ZNF573: variants seen among roughly 807,000 people sequenced by gnomAD.
ZNF573 encodes the protein zinc finger protein 573.
In ZNF573, 41 loss-of-function variants were observed where a neutral mutation model predicts 57.4. That is an observed-to-expected ratio of 0.71 (90% confidence interval 0.56 to 0.93). The LOEUF is 0.93. ZNF573 is among the 40% of genes least tolerant of loss of function. The pLI, the probability that ZNF573 is intolerant of heterozygous loss-of-function variation, is 0.00. For missense variants in ZNF573, 730 were observed against 794.8 expected, an observed-to-expected ratio of 0.92 and a Z score of 0.98; for synonymous variants, 249 against 261.0, an observed-to-expected ratio of 0.95 and a Z score of 0.44.
At chr19:37,766,134 T>G (rs914234940) in intron 4 of ZNF573, among the ~76,000 whole-genome samples, 1 of 152,146 alleles carries the variant, frequency 6.6e-6, no homozygotes, top group African/African-American at 2.4e-5. Context: ...ATGTAAAAAA[T>G]TGTTTATATT....
At chr19:37,752,389 A>G (rs2045446626) in intron 4 of ZNF573, among the ~76,000 whole-genome samples, 1 of 152,212 alleles carries the variant, frequency 6.6e-6, no homozygotes, top group African/African-American at 2.4e-5. Context: ...AACAAAAGAA[A>G]TAATAGGATG....
At chr19:37,778,809 C>T (rs1599713903) in intron 1 of ZNF573, among the ~76,000 whole-genome samples, 1 of 152,090 alleles carries the variant, frequency 6.6e-6, no homozygotes, top group African/African-American at 2.4e-5. Flanking sequence ...CCACGCCTTC[C>T]CTGTTCACAC....
chr19:37,752,019 C>A (rs560493082), intron 4 of ZNF573, among the ~76,000 whole-genome samples: 1 of 145,060 alleles, frequency 6.9e-6, no homozygotes, highest in Non-Finnish European at 1.5e-5. Context: ...TACATAGTAC[C>A]GTATATATAC....
intron 4 of ZNF573, among the ~76,000 whole-genome samples, chr19:37,754,206 T>C (rs1270577023): frequency 6.6e-6 from 1 of 152,144 alleles, no homozygotes; most frequent in African/African-American, 2.4e-5. Flanking sequence ...AAGACTGTCA[T>C]TTAAAGCTAG....
intron 4 of ZNF573, among the ~76,000 whole-genome samples, chr19:37,743,365 A>G (rs767906975): frequency 2.0e-5 from 3 of 151,590 alleles, no homozygotes; most frequent in Non-Finnish European, 2.9e-5. Context: ...TTATGAGGCC[A>G]ACAAACATAT....
chr19:37,755,944 G>T (rs370516028), intron 4 of ZNF573, among the ~76,000 whole-genome samples: 1 of 151,984 alleles, frequency 6.6e-6, no homozygotes, highest in Admixed American at 6.6e-5. Context: ...TATAAACCTT[G>T]TAAGAAAAGC....
intron 2 of ZNF573, 85 bp downstream of exon 2, chr19:37,773,576 C>T (rs1285541356): frequency 4.6e-6 from 5 of 1,085,696 alleles, no homozygotes; most frequent in Non-Finnish European, 6.6e-6. Flanking sequence ...AGGAGGCCTT[C>T]TTAAATAGGA....
At chr19:37,745,676 G>A (rs532524978) in intron 4 of ZNF573, among the ~76,000 whole-genome samples, 46 of 152,290 alleles carry the variant, frequency 3.0e-4, no homozygotes, top group Middle Eastern at 3.4e-3. Flanking sequence ...GATTACAGGC[G>A]TGAGCCACCA....
At chr19:37,741,481 C>T (rs747152485) in intron 4 of ZNF573, among the ~76,000 whole-genome samples, 11 of 152,054 alleles carry the variant, frequency 7.2e-5, no homozygotes, top group Non-Finnish European at 1.3e-4. Flanking sequence ...GCTTATCCAC[C>T]GTGATCAAGT....
chr19:37,747,885 A>T (rs1024077478), intron 4 of ZNF573, among the ~76,000 whole-genome samples: 1 of 151,970 alleles, frequency 6.6e-6, no homozygotes, highest in African/African-American at 2.4e-5. Context: ...ACGGGGTTTC[A>T]CCGTGTTATC....
chr19:37,757,103 C>T (rs1454327788), intron 4 of ZNF573, among the ~76,000 whole-genome samples: 1 of 151,974 alleles, frequency 6.6e-6, no homozygotes, highest in Non-Finnish European at 1.5e-5. Flanking sequence ...GAAACCAACA[C>T]AATCCCCTCT....
chr19:37,739,268 G>A lies in ZNF573; in HGVS notation c.1222C>T (p.His408Tyr), dbSNP rs779555483. 1.2e-6 allele frequency: 2 copies of A among 1,614,046 alleles called. No homozygotes were observed. The highest frequency in any genetic ancestry group is 1.1e-5 in the South Asian group (1 of 91,076). ...CATTCATAGGGTTTCTCGCCAGTAT[G>A]AGTTTTCTGATGTTGAAAGAGTTTT... ...GSKLFQHQKT[H>Y]TGEKPYECKE... The change falls in exon 5 of 5, where the codon CAT becomes TAT. Residue 408 changes from histidine (H) to tyrosine (Y), a missense_variant. His to Tyr is a moderately conservative substitution (Grantham distance 83). Transcript: ENST00000536220.
In ZNF573 at chr19:37,738,978, G is replaced by A; in HGVS notation, c.1512C>T (p.Gly504=). ...GATATCCATGCAAGCTAAAGGTCTT[G>A]CCACATTCCTTACATTTATAGGGTT... ...GEKPYKCKEC[G]KTFSLHGYLN... is the part of the protein sequence containing the mutation. Residue 504 remains glycine (G), a synonymous_variant, in exon 5 of 5, where the codon GGC becomes GGT. Transcript: ENST00000536220. The A allele has an allele frequency of 6.2e-7, 1 of 1,613,352 alleles. No homozygotes were observed. The highest frequency in any genetic ancestry group is 8.5e-7 in the Non-Finnish European group (1 of 1,179,860).
At chr19:37,749,572 T>G (rs773781702) in intron 4 of ZNF573, among the ~76,000 whole-genome samples, 28 of 151,990 alleles carry the variant, frequency 1.8e-4, no homozygotes, top group Non-Finnish European at 2.9e-4. Context: ...TATATATTCA[T>G]CACAAGAAGC....
intron 4 of ZNF573, among the ~76,000 whole-genome samples, chr19:37,765,706 G>T (rs185453170): frequency 6.9e-6 from 1 of 144,916 alleles, no homozygotes; most frequent in African/African-American, 2.6e-5. Context: ...GCAAAACTCC[G>T]TCTCAAAAAC....
At chr19:37,768,857 G>A (rs1053789009) in intron 4 of ZNF573, among the ~76,000 whole-genome samples, 3 of 109,402 alleles carry the variant, frequency 2.7e-5, no homozygotes, top group East Asian at 2.8e-4. Context: ...TAGTAGAGAC[G>A]GGGTTTCACC....
rs58757674 is a variant in ZNF573, at chr19:37,770,832, T to TTATATATATATATATATATATA, written c.202+710_202+731dup. Among the ~76,000 whole-genome samples the TTATATATATATATATATATATA allele has an allele frequency of 3.3e-3, 313 of 93,590 alleles. 15 individuals carry two copies. Among genetic ancestry groups the TTATATATATATATATATATATA allele is most frequent in the East Asian group, 6.3e-3 (8 of 1,274 alleles). 61.4% of individuals were successfully genotyped at this position (93,590 alleles called of 152,430 possible). A position where few individuals can be genotyped will look rare whatever the true frequency, so the allele number is the denominator to read the frequency against. On this transcript the variant is annotated intron_variant, in intron 3 of 4. Transcript: ENST00000536220. ...ACAGTTCTTTCAGGATTAAGTTATT[T>TTATATATATATATATATATATA]TATATATATATATATATATATATAT... is the stretch of plus-strand genomic sequence containing the variant.
chr19:37,760,812 A>G (rs2045544672), intron 4 of ZNF573, among the ~76,000 whole-genome samples: 1 of 151,336 alleles, frequency 6.6e-6, no homozygotes, highest in Non-Finnish European at 1.5e-5. Flanking sequence ...ACAGAGTAAG[A>G]GTCTGTCTGA....
At chr19:37,763,919 C>T (rs1021623048) in intron 4 of ZNF573, among the ~76,000 whole-genome samples, 10 of 151,956 alleles carry the variant, frequency 6.6e-5, no homozygotes, top group South Asian at 2.1e-4. Context: ...CAAAATTAGC[C>T]GGGCATGGTA....
Sources: gnomAD v4.1 joint callset for allele counts (sites outside exome capture counted in the v4.1 genomes callset) on GRCh38, gnomAD v4.1.1 for gene constraint, MANE v1.5 for transcripts, NCBI Gene and HGNC (gene_info 2026-07-23, HGNC 2026-07-21) for gene names.